The following RIMKLB variants were observed in gnomAD, a reference collection of about 807,000 sequenced individuals.
The protein encoded by RIMKLB is ribosomal modification protein rimK like family member B.
RIMKLB carries 7 observed loss-of-function variants against 32.0 expected under a neutral mutation model. The ratio of observed to expected loss-of-function variants is 0.22; its 90% CI spans 0.12 to 0.41. The LOEUF (loss-of-function observed/expected upper bound fraction) is 0.41. RIMKLB is among the 10% of genes least tolerant of loss of function. The pLI is 1.00. For synonymous variants in RIMKLB, 172 were observed against 185.1 expected (o/e 0.93, Z 0.57); for missense variants, 289 against 498.7 (o/e 0.58, Z 4.00).
intron 2 of RIMKLB, among the ~76,000 whole-genome samples, chr12:8,734,373 G>A (rs906972869): frequency 2.0e-5 from 3 of 152,168 alleles, no homozygotes; most frequent in South Asian, 2.1e-4. Context: ...TACCTGAAAG[G>A]TATTTTGAAA....
chr12:8,702,365 A>C (rs1252945501), intron 1 of RIMKLB, among the ~76,000 whole-genome samples: 1 of 152,244 alleles, frequency 6.6e-6, no homozygotes, highest in East Asian at 1.9e-4. Context: ...AAATCTGTTT[A>C]AACATTTACA....
intron 5 of RIMKLB, among the ~76,000 whole-genome samples, chr12:8,766,507 G>A (rs946960846): frequency 6.6e-6 from 1 of 152,182 alleles, no homozygotes; most frequent in African/African-American, 2.4e-5. Context: ...AACCTTTTGA[G>A]TCGGGATTGA....
At chr12:8,780,436 T>C (rs1565441996), downstream of RIMKLB, 1 of 152,244 alleles carries the variant, frequency 6.6e-6, no homozygotes, top group Non-Finnish European at 1.5e-5. Context: ...TTTTGTTTTT[T>C]ATTTTTGGAG....
At chr12:8,735,021 C>G (rs774820487) in intron 2 of RIMKLB, among the ~76,000 whole-genome samples, 10 of 152,216 alleles carry the variant, frequency 6.6e-5, no homozygotes, top group Non-Finnish European at 1.3e-4. Flanking sequence ...GTAGTTTTCT[C>G]GCTTCTGTCA....
chr12:8,694,315 C>T (rs534019315), upstream of RIMKLB, among the ~76,000 whole-genome samples: 2 of 151,478 alleles, frequency 1.3e-5, no homozygotes, highest in African/African-American at 2.4e-5. Context: ...TGTATTCAAG[C>T]GATCCTGTTG....
At chr12:8,780,559 TACCC>T (rs1382810457), downstream of RIMKLB, 1 of 152,230 alleles carries the variant, frequency 6.6e-6, no homozygotes, top group Non-Finnish European at 1.5e-5. Flanking sequence ...TTTTTCTATA[TACCC>T]TTCTGCTGCA....
At chr12:8,694,642 C>T (rs2136596735), upstream of RIMKLB, among the ~76,000 whole-genome samples, 1 of 152,200 alleles carries the variant, frequency 6.6e-6, no homozygotes, top group South Asian at 2.1e-4. Context: ...GATCCACCTG[C>T]CTTGGCCTCC....
upstream of RIMKLB, chr12:8,681,586 T>C (rs1038134943): frequency 6.6e-6 from 1 of 152,208 alleles, no homozygotes; most frequent in African/African-American, 2.4e-5. Flanking sequence ...GGACTGGAAC[T>C]ATCAGCCCCA....
At chr12:8,691,145 C>T (rs779864331) in intron 1 of RIMKLB, among the ~76,000 whole-genome samples, 8 of 151,988 alleles carry the variant, frequency 5.3e-5, no homozygotes, top group Non-Finnish European at 1.0e-4. Context: ...AAAAGTTCTG[C>T]GAAACAATAC....
At chr12:8,730,450 C>T (rs901197377) in intron 2 of RIMKLB, among the ~76,000 whole-genome samples, 1 of 152,188 alleles carries the variant, frequency 6.6e-6, no homozygotes, top group Non-Finnish European at 1.5e-5. Context: ...GGTCACAGGG[C>T]CTAAGATGGT....
chr12:8,750,579 A>T (rs1948533571), intron 3 of RIMKLB, among the ~76,000 whole-genome samples: 1 of 152,176 alleles, frequency 6.6e-6, no homozygotes, highest in Non-Finnish European at 1.5e-5. Flanking sequence ...TAAAGAAAGT[A>T]ACACTTTAGT....
chr12:8,734,974 A>C (rs190199694), intron 2 of RIMKLB, among the ~76,000 whole-genome samples: 23 of 152,334 alleles, frequency 1.5e-4, no homozygotes, highest in African/African-American at 5.3e-4. Context: ...ATTAAGGATC[A>C]GAAATTTCAC....
chr12:8,701,794 C>G (rs2136706739), intron 1 of RIMKLB, among the ~76,000 whole-genome samples: 1 of 151,982 alleles, frequency 6.6e-6, no homozygotes, highest in East Asian at 1.9e-4. Context: ...CACTTGAGGT[C>G]AGGAGTTTGA....
At chr12:8,743,525 G>A (rs112972615) in intron 2 of RIMKLB, among the ~76,000 whole-genome samples, 2 of 142,256 alleles carry the variant, frequency 1.4e-5, no homozygotes, top group Non-Finnish European at 2.9e-5. Context: ...TAGCCAAACT[G>A]TCCACTAGTA....
chr12:8,729,353 G>A (rs1946330266), intron 2 of RIMKLB, among the ~76,000 whole-genome samples: 3 of 151,884 alleles, frequency 2.0e-5, no homozygotes. Context: ...AGGGGATGGA[G>A]CGGGAAGGTA....
intron 2 of RIMKLB, among the ~76,000 whole-genome samples, chr12:8,748,172 G>A (rs1948274950): frequency 6.6e-6 from 1 of 152,130 alleles, no homozygotes; most frequent in African/African-American, 2.4e-5. Flanking sequence ...AATATGTTCT[G>A]TATTTTTGTG....
At chr12:8,705,000 A>AC (rs1178112609) in intron 1 of RIMKLB, among the ~76,000 whole-genome samples, 8 of 151,058 alleles carry the variant, frequency 5.3e-5, no homozygotes, top group African/African-American at 2.0e-4. Flanking sequence ...ACACACACAC[A>AC]AAACCCCAAA....
intron 1 of RIMKLB, among the ~76,000 whole-genome samples, chr12:8,704,398 T>G (rs1389532387): frequency 6.6e-6 from 1 of 150,834 alleles, no homozygotes; most frequent in Non-Finnish European, 1.5e-5. Flanking sequence ...AAAAAAAAAT[T>G]GATTTGGTAA....
downstream of RIMKLB, chr12:8,777,839 GCTAA>G (rs531553796): frequency 3.4e-4 from 124 of 362,480 alleles, no homozygotes; most frequent in East Asian, 5.7e-4. Context: ...CCATCACTAG[GCTAA>G]CTTTCTTTTT....
Sources: gnomAD v4.1 joint callset for allele counts (sites outside exome capture counted in the v4.1 genomes callset) on GRCh38, gnomAD v4.1.1 for gene constraint, MANE v1.5 for transcripts, NCBI Gene and HGNC (gene_info 2026-07-23, HGNC 2026-07-21) for gene names.